Variants in KIF6 observed in about 807,000 individuals in gnomAD.
KIF6 encodes the protein kinesin family member 6, also known as kinesin-like protein KIF6.
A neutral mutation model predicts 112.7 loss-of-function variants in KIF6; 106 were observed. The observed-to-expected ratio is 0.94, with a 90% confidence interval of 0.80 to 1.11. The LOEUF (loss-of-function observed/expected upper bound fraction) is 1.11, where lower values mean the gene tolerates loss of function less well. Ranked by LOEUF, KIF6 falls within the 50% of genes least tolerant of loss-of-function variation. The pLI is 0.00. For synonymous variants in KIF6, 339 were observed against 339.9 expected, an observed-to-expected ratio of 1.00 and a Z score of 0.03; for missense variants, 929 against 964.0, an observed-to-expected ratio of 0.96 and a Z score of 0.48.
At chr6:39,513,080 C>T (rs1776867467) in intron 13 of KIF6, among the ~76,000 whole-genome samples, 2 of 152,188 alleles carry the variant, frequency 1.3e-5, no homozygotes, top group African/African-American at 4.8e-5. Context: ...ATGATTCTAA[C>T]CCAGGTCTTC....
intron 15 of KIF6, among the ~76,000 whole-genome samples, chr6:39,413,692 G>A (rs769705402): frequency 1.3e-5 from 2 of 152,096 alleles, no homozygotes; most frequent in Middle Eastern, 3.2e-3. Flanking sequence ...AGACAATGTA[G>A]TCAAGCAGAA....
At position 39,596,253 on chromosome 6, in the gene KIF6, A is replaced by C; in HGVS notation, c.647T>G (p.Met216Arg). Residue 216 changes from methionine to arginine, a missense_variant, in exon 7 of 23, where the codon ATG becomes AGG. This residue lies in a region of KIF6 where 688 missense variants were observed against 662.7 expected (regional missense o/e 1.04). Coordinates refer to ENST00000287152, the MANE Select transcript of KIF6 (RefSeq NM_145027.6). ...GTGGGAACGGGTTGAAGCTTGGTTCATAGGAGTCTATAAAAAAATTGCAAA... is the reference window on the plus strand; with the variant it reads ...GTGGGAACGGGTTGAAGCTTGGTTCCTAGGAGTCTATAAAAAAATTGCAAA... ...DTNRMIAETP[M>R]NQASTRSHCI... The C allele has an allele frequency of 6.2e-7, 1 of 1,608,510 alleles. No homozygotes were observed. The highest frequency in any genetic ancestry group is 8.5e-7 in the Non-Finnish European group (1 of 1,177,868).
chr6:39,623,615 T>A (rs893652891), intron 5 of KIF6, among the ~76,000 whole-genome samples: 1 of 152,198 alleles, frequency 6.6e-6, no homozygotes, highest in South Asian at 2.1e-4. Flanking sequence ...TACTAATAGA[T>A]AATAGCTGGC....
At chr6:39,548,817 G>A (rs1451450465) in intron 10 of KIF6, among the ~76,000 whole-genome samples, 1 of 152,174 alleles carries the variant, frequency 6.6e-6, no homozygotes. Context: ...CGCTAAGGAG[G>A]TCAAGTGAGT....
intron 10 of KIF6, among the ~76,000 whole-genome samples, chr6:39,547,858 C>T (rs1329307206): frequency 6.6e-6 from 1 of 152,174 alleles, no homozygotes; most frequent in Non-Finnish European, 1.5e-5. Flanking sequence ...TCTTGATGGA[C>T]ACTGAGGTGA....
intron 3 of KIF6, among the ~76,000 whole-genome samples, chr6:39,686,975 T>A (rs1478804864): frequency 6.6e-6 from 1 of 152,122 alleles, no homozygotes; most frequent in East Asian, 1.9e-4. Context: ...CATGAAGAAA[T>A]GAAGCTACAC....
rs33912709 is a variant in KIF6, at chr6:39,724,452, C to CA, written c.66+792dup. Among the ~76,000 whole-genome samples, 275 of 90,428 alleles carry CA rather than the reference C, an allele frequency of 3.0e-3. 3 individuals carry two copies. Among genetic ancestry groups the CA allele is most frequent in the Middle Eastern group, 6.1e-3 (1 of 164 alleles). The allele number at this position is 90,428 out of a possible 152,430, so 59.3% of individuals were successfully genotyped here. ...TGGGTGGCAGAGCGAGACTCCGTCT[C>CA]AAAAAAAAAAAAAAAAAAAAAAGGT... On this transcript the variant is annotated intron_variant, in intron 1 of 22. Transcript: ENST00000287152.
At chr6:39,530,611 A>G (rs1407036030) in intron 13 of KIF6, among the ~76,000 whole-genome samples, 1 of 152,148 alleles carries the variant, frequency 6.6e-6, no homozygotes. Context: ...AGGGCTCTCT[A>G]GGGAACCATG....
At chr6:39,694,302 C>T (rs1788400434) in intron 3 of KIF6, among the ~76,000 whole-genome samples, 1 of 152,160 alleles carries the variant, frequency 6.6e-6, no homozygotes. Flanking sequence ...CAACATAGGA[C>T]TGGAAGTCCC....
intron 3 of KIF6, among the ~76,000 whole-genome samples, chr6:39,686,840 T>C (rs148803430): frequency 6.6e-6 from 1 of 152,300 alleles, no homozygotes; most frequent in Admixed American, 6.5e-5. Flanking sequence ...AGAAACCAAT[T>C]GCATTTTTAA....
intron 13 of KIF6, among the ~76,000 whole-genome samples, chr6:39,498,029 C>T (rs1425345937): frequency 6.6e-6 from 1 of 152,068 alleles, no homozygotes; most frequent in African/African-American, 2.4e-5. Context: ...CAAAATCATA[C>T]AAAGAACTTG....
intron 13 of KIF6, among the ~76,000 whole-genome samples, chr6:39,519,413 C>T (rs969716163): frequency 3.9e-5 from 6 of 152,184 alleles, no homozygotes; most frequent in African/African-American, 1.4e-4. Flanking sequence ...GATACAGCAG[C>T]ACCAGAAAGA....
Position 39,442,264 on chromosome 6 carries a change from G to T in KIF6, c.1646-11103C>A, listed in dbSNP as rs114302384. The stretch of plus-strand genomic sequence containing the variant: ...GAGCAGGTGAGGAAAGGGCTGGCTT[G>T]CCAAAGGAGTGGACAGGCCTGGAGC... On this transcript the variant is annotated intron_variant, in intron 13 of 22. Transcript: ENST00000287152. Among the ~76,000 whole-genome samples, 1,228 of 152,346 alleles carry T rather than the reference G, an allele frequency of 8.1e-3. 11 individuals carry two copies. Among genetic ancestry groups the T allele is most frequent in the African/African-American group, 0.028 (1,152 of 41,574 alleles).
chr6:39,385,641 A>G lies in KIF6; in HGVS notation c.1842T>C (p.His614=). 1 of 1,613,662 alleles carries G rather than the reference A, an allele frequency of 6.2e-7. No homozygotes were observed. Among genetic ancestry groups the G allele is most frequent in the Non-Finnish European group, 8.5e-7 (1 of 1,179,740 alleles). ...ACCTACCTAGGGCTACTTGCTGTATATGCCGCTGGGTGATTTCTTCCTTCA... is the reference window on the plus strand; with the variant it reads ...ACCTACCTAGGGCTACTTGCTGTATGTGCCGCTGGGTGATTTCTTCCTTCA... The part of the protein sequence containing the change: ...GHLKEEITQR[H]IQQVALGISE... The change falls in exon 16 of 23, where the codon CAT becomes CAC. Residue 614 remains histidine (H), a synonymous_variant. Coordinates refer to ENST00000287152, the MANE Select transcript of KIF6 (RefSeq NM_145027.6).
At chr6:39,551,570 C>T (rs894748651) in intron 10 of KIF6, among the ~76,000 whole-genome samples, 2 of 152,036 alleles carry the variant, frequency 1.3e-5, no homozygotes, top group African/African-American at 4.8e-5. Flanking sequence ...TTGATTATTA[C>T]ACATTATACG....
intron 10 of KIF6, among the ~76,000 whole-genome samples, chr6:39,548,299 G>A (rs900320159): frequency 6.6e-6 from 1 of 152,194 alleles, no homozygotes; most frequent in Admixed American, 6.5e-5. Context: ...TTGCTCACGT[G>A]CACTGGGCTT....
intron 16 of KIF6, among the ~76,000 whole-genome samples, chr6:39,382,082 T>A (rs1766997165): frequency 6.6e-6 from 1 of 152,226 alleles, no homozygotes; most frequent in African/African-American, 2.4e-5. Flanking sequence ...CACAAAGTCA[T>A]GGAAATGGCT....
intron 10 of KIF6, among the ~76,000 whole-genome samples, chr6:39,546,591 C>T (rs1779079704): frequency 6.6e-6 from 1 of 152,080 alleles, no homozygotes; most frequent in South Asian, 2.1e-4. Flanking sequence ...TTTGGGAGGC[C>T]CAGGTGGGCG....
chr6:39,514,680 G>T (rs1011918297), intron 13 of KIF6, among the ~76,000 whole-genome samples: 5 of 152,034 alleles, frequency 3.3e-5, no homozygotes, highest in Admixed American at 2.0e-4. Flanking sequence ...AGTCATATAG[G>T]GAAAAAAGAT....
Sources: gnomAD v4.1 joint callset for allele counts (sites outside exome capture counted in the v4.1 genomes callset) on GRCh38, gnomAD v4.1.1 for gene constraint, gnomAD v4.1.1 regional missense constraint, MANE v1.5 for transcripts, NCBI Gene and HGNC (gene_info 2026-07-23, HGNC 2026-07-21) for gene names.